The following ST3GAL3 variants were observed in gnomAD, a reference collection of about 807,000 sequenced individuals.
The protein encoded by ST3GAL3 is ST3 beta-galactoside alpha-2,3-sialyltransferase 3.
ST3GAL3 carries 21 observed loss-of-function variants against 50.1 expected under a neutral mutation model. The ratio of observed to expected loss-of-function variants is 0.42; its 90% confidence interval spans 0.30 to 0.60. The LOEUF is 0.60. Ranked by LOEUF, ST3GAL3 falls within the 20% of genes least tolerant of loss-of-function variation. ST3GAL3 has a pLI of 0.19. For missense variants in ST3GAL3, 353 were observed against 489.4 expected, an observed-to-expected ratio of 0.72 and a Z score of 2.63; for synonymous variants, 183 against 190.0, an observed-to-expected ratio of 0.96 and a Z score of 0.30.
chr1:43,916,865 C>T (rs1027813982), intron 9 of ST3GAL3: 1 of 152,184 alleles, frequency 6.6e-6, no homozygotes, highest in African/African-American at 2.4e-5. Flanking sequence ...ATGAGCCAGC[C>T]ACCGCACCTG....
At position 43,838,234 on chromosome 1, in the gene ST3GAL3, C is replaced by T. The variant is rs1194862594; in HGVS notation, c.225C>T (p.Ala75=). 3.1e-6 allele frequency: 5 copies of T among 1,613,488 alleles called. No individual in the cohort carries two copies. The highest frequency in any genetic ancestry group is 1.7e-4 in the Middle Eastern group (1 of 6,060). ...NLDSKLPAEL[A]TKYANFSEGA... is the part of the protein sequence containing the mutation. ...CTTCCCATAGGCCTGCTGAATTAGC[C>T]ACCAAGTACGCAAACTTTTCAGAGG... Residue 75 remains alanine (A), a synonymous_variant, in exon 5 of 12, where the codon GCC becomes GCT. Coordinates refer to ENST00000347631, the MANE Select transcript of ST3GAL3 (RefSeq NM_006279.5).
chr1:43,849,645 G>A (rs2066913983), intron 5 of ST3GAL3, among the ~76,000 whole-genome samples: 1 of 152,168 alleles, frequency 6.6e-6, no homozygotes, highest in African/African-American at 2.4e-5. Flanking sequence ...GGTGGAGCAG[G>A]AAAGCCTGGT....
chr1:43,892,985 G>C (rs1222778556), intron 5 of ST3GAL3, among the ~76,000 whole-genome samples: 1 of 152,204 alleles, frequency 6.6e-6, no homozygotes, highest in Non-Finnish European at 1.5e-5. Flanking sequence ...TGGGGTGGTA[G>C]TGGGAGTGCA....
intron 1 of ST3GAL3, among the ~76,000 whole-genome samples, chr1:43,714,432 C>CAAAAAA (rs35400929): frequency 6.8e-5 from 5 of 73,742 alleles, no homozygotes; most frequent in African/African-American, 1.9e-4. Flanking sequence ...TACTAAAATA[C>CAAAAAA]AAAAAAAAAA....
chr1:43,876,421 C>T (rs1238224319), intron 5 of ST3GAL3, among the ~76,000 whole-genome samples: 1 of 152,148 alleles, frequency 6.6e-6, no homozygotes, highest in Non-Finnish European at 1.5e-5. Flanking sequence ...AGTCATAGAG[C>T]AGACCCTGAG....
intron 4 of ST3GAL3, among the ~76,000 whole-genome samples, chr1:43,822,901 A>T (rs1275589344): frequency 6.6e-6 from 1 of 152,144 alleles, no homozygotes; most frequent in African/African-American, 2.4e-5. Context: ...CAAACTCCAG[A>T]TTCACACCCC....
intron 1 of ST3GAL3, among the ~76,000 whole-genome samples, chr1:43,718,667 C>T (rs1399494519): frequency 1.4e-5 from 2 of 145,568 alleles, no homozygotes; most frequent in African/African-American, 2.6e-5. Flanking sequence ...TGTTTTTATC[C>T]TTCTGCTACA....
At chr1:43,807,043 A>G (rs750369484) in intron 3 of ST3GAL3, among the ~76,000 whole-genome samples, 67 of 152,240 alleles carry the variant, frequency 4.4e-4, no homozygotes, top group Non-Finnish European at 2.9e-4. Context: ...TGGAGATGAT[A>G]AAGTTATGTT....
chr1:43,709,103 A>G (rs1013520100), intron 1 of ST3GAL3, among the ~76,000 whole-genome samples: 1 of 152,180 alleles, frequency 6.6e-6, no homozygotes, highest in South Asian at 2.1e-4. Context: ...TTGGGTCATG[A>G]AGAGTGGGTA....
At chr1:43,757,464 A>G (rs1289324100) in intron 2 of ST3GAL3, among the ~76,000 whole-genome samples, 1 of 152,216 alleles carries the variant, frequency 6.6e-6, no homozygotes, top group Non-Finnish European at 1.5e-5. Context: ...ATAGATATAT[A>G]GATCAATGAG....
At chr1:43,715,798 A>G (rs1396895589) in intron 1 of ST3GAL3, among the ~76,000 whole-genome samples, 5 of 152,192 alleles carry the variant, frequency 3.3e-5, no homozygotes, top group Admixed American at 1.3e-4. Flanking sequence ...AAAAATCACA[A>G]TAACCCACAA....
chr1:43,910,007 G>T (rs1286518845), intron 9 of ST3GAL3, among the ~76,000 whole-genome samples: 1 of 152,208 alleles, frequency 6.6e-6, no homozygotes, highest in Non-Finnish European at 1.5e-5. Context: ...AGTGACAGTT[G>T]TATCAAAGGC....
intron 4 of ST3GAL3, among the ~76,000 whole-genome samples, chr1:43,825,539 T>C (rs959397437): frequency 9.8e-5 from 15 of 152,348 alleles, no homozygotes; most frequent in Admixed American, 3.3e-4. Context: ...AGATGTAAGA[T>C]TTGTCTTTTC....
chr1:43,820,362 C>G (rs2061939290), intron 4 of ST3GAL3, among the ~76,000 whole-genome samples: 1 of 152,078 alleles, frequency 6.6e-6, no homozygotes, highest in Non-Finnish European at 1.5e-5. Flanking sequence ...AACAGAAAAC[C>G]TAGGACATAC....
Position 43,894,482 on chromosome 1 carries a change from G to T in ST3GAL3, c.397+5G>T, listed in dbSNP as rs2154267099. ...CTTTTGGGATCAAAGGTCAAGGTAT[G>T]TTGGGAACCCTGACCTACATTAACA... On this transcript the variant is annotated splice_donor_5th_base_variant and intron_variant, in intron 6 of 11. Coordinates refer to ENST00000347631, the MANE Select transcript of ST3GAL3 (RefSeq NM_006279.5). The T allele has an allele frequency of 6.2e-7, 1 of 1,613,684 alleles. No individual in the cohort carries two copies. The highest frequency in any genetic ancestry group is 2.2e-5 in the East Asian group (1 of 44,868).
chr1:43,783,694 G>A (rs1700066720), intron 2 of ST3GAL3, among the ~76,000 whole-genome samples: 1 of 151,972 alleles, frequency 6.6e-6, no homozygotes, highest in African/African-American at 2.4e-5. Flanking sequence ...ACCTGCTTGA[G>A]TCGTACACAC....
chr1:43,795,878 C>T (rs1573001143), intron 3 of ST3GAL3, among the ~76,000 whole-genome samples: 1 of 152,274 alleles, frequency 6.6e-6, no homozygotes, highest in African/African-American at 2.4e-5. Context: ...CAGTGAGTTT[C>T]CTATTTTCCC....
At chr1:43,822,337 A>G (rs901880813) in intron 4 of ST3GAL3, among the ~76,000 whole-genome samples, 2 of 152,116 alleles carry the variant, frequency 1.3e-5, no homozygotes, top group Non-Finnish European at 2.9e-5. Context: ...AGTTTCATCT[A>G]TTTCTGCTGG....
At position 43,899,249 on chromosome 1, in the gene ST3GAL3, T is replaced by C. The variant is rs923119659; in HGVS notation, c.543T>C (p.Tyr181=). Residue 181 remains tyrosine (Y), a synonymous_variant, in exon 8 of 12, where the codon TAT becomes TAC. Coordinates refer to ENST00000347631, the MANE Select transcript of ST3GAL3 (RefSeq NM_006279.5). This position sits in a 1 kb window ranked among gnomAD's most constrained non-coding sequence, Gnocchi z 5.4. ...NKSLGSRIDD[Y]DIVVRLNSAP... ...CTCTGGGGTCACGAATTGACGACTA[T>C]GACATTGTGGTGAGGTGAGCTCCCC... 7 of 1,614,080 alleles carry C rather than the reference T, an allele frequency of 4.3e-6. No individual in the cohort carries two copies. In the African/African-American group the frequency reaches 8.0e-5, roughly 18 times the overall value.
Sources: allele counts gnomAD v4.1 joint callset (sites outside exome capture counted in the v4.1 genomes callset), GRCh38; gene constraint gnomAD v4.1.1; non-coding constraint Gnocchi (gnomAD v3.1); transcripts MANE v1.5; gene names NCBI Gene and HGNC (gene_info 2026-07-23, HGNC 2026-07-21).